Variants in NEDD9 observed in about 807,000 individuals in gnomAD.
NEDD9 encodes the protein enhancer of filamentation 1.
NEDD9 carries 26 observed loss-of-function variants against 76.6 expected under a neutral mutation model. That is an observed-to-expected ratio of 0.34 (90% CI 0.25 to 0.47). NEDD9 has a LOEUF of 0.47. NEDD9 is among the 20% of genes least tolerant of loss of function. NEDD9 has a pLI of 1.00. For synonymous variants in NEDD9, 392 were observed against 414.2 expected, an observed-to-expected ratio of 0.95 and a Z score of 0.65; for missense variants, 937 against 1,058.5, an observed-to-expected ratio of 0.89 and a Z score of 1.59.
chr6:11,239,137 A>G (rs1759661878), intron 3 of NEDD9, among the ~76,000 whole-genome samples: 1 of 152,186 alleles, frequency 6.6e-6, no homozygotes. Context: ...ACTGCACTGC[A>G]GCCTGGGAGA....
chr6:11,333,698 T>C (rs971850321), intron 2 of NEDD9, among the ~76,000 whole-genome samples: 1 of 152,194 alleles, frequency 6.6e-6, no homozygotes, highest in Non-Finnish European at 1.5e-5. Flanking sequence ...CTGGGGGTTT[T>C]GGCAGCCTGC....
At chr6:11,256,555 G>A (rs1036493455) in intron 3 of NEDD9, among the ~76,000 whole-genome samples, 4 of 152,044 alleles carry the variant, frequency 2.6e-5, no homozygotes, top group Admixed American at 1.3e-4. Context: ...TGGACCTTCC[G>A]GCTCAAGTGA....
chr6:11,192,625 A>C, intron 3 of NEDD9, 179 bp from the exon 4 acceptor site: 1 of 525,690 alleles, frequency 1.9e-6, no homozygotes, highest in Non-Finnish European at 3.3e-6. Context: ...TATGGTTTTT[A>C]ACTTACATTT....
At chr6:11,345,485 C>T (rs1433569326) in intron 1 of NEDD9, among the ~76,000 whole-genome samples, 2 of 150,154 alleles carry the variant, frequency 1.3e-5, no homozygotes, top group Non-Finnish European at 2.9e-5. Flanking sequence ...TGTGTGTGTG[C>T]TACATTTGAA....
At chr6:11,348,567 CA>C (rs994564964) in intron 1 of NEDD9, among the ~76,000 whole-genome samples, 1 of 152,106 alleles carries the variant, frequency 6.6e-6, no homozygotes, top group Admixed American at 6.5e-5. Flanking sequence ...CAGCATGGTA[CA>C]AAAACAGACA....
At position 11,252,211 on chromosome 6, in the gene NEDD9, G is replaced by A. The variant is rs1759928004; in HGVS notation, c.13-38484C>T. Among the ~76,000 whole-genome samples, 1 of 152,148 alleles carries A rather than the reference G, an allele frequency of 6.6e-6. No homozygotes were observed. Among genetic ancestry groups the A allele is most frequent in the Non-Finnish European group, 1.5e-5 (1 of 68,026 alleles). On this transcript the variant is annotated intron_variant, in intron 3 of 3. Coordinates refer to the NEDD9 transcript ENST00000397378. This position sits in a 1 kb window ranked among gnomAD's most constrained non-coding sequence, Gnocchi z 4.3. ...AGCTATGCCAGCAGAGCCCTCTGGA[G>A]AGCTGACTGGTATTCTCATTTTCTA... is the stretch of plus-strand genomic sequence containing the variant.
intron 2 of NEDD9, among the ~76,000 whole-genome samples, chr6:11,197,193 A>G (rs1474746231): frequency 6.6e-6 from 1 of 151,816 alleles, no homozygotes; most frequent in Non-Finnish European, 1.5e-5. Flanking sequence ...GGACATTTTT[A>G]AACTAATTTT....
At chr6:11,362,107 T>G (rs890438324) in intron 1 of NEDD9, among the ~76,000 whole-genome samples, 2 of 152,052 alleles carry the variant, frequency 1.3e-5, no homozygotes, top group East Asian at 1.9e-4. Context: ...CTTTGAGAGG[T>G]GATTACATCA....
At position 11,241,723 on chromosome 6, in the gene NEDD9, C is replaced by G. The variant is rs908396870; in HGVS notation, c.13-27996G>C. 1.3e-5 allele frequency among the ~76,000 whole-genome samples: 2 copies of G among 152,118 alleles called. No individual in the cohort carries two copies. The highest frequency in any genetic ancestry group is 2.9e-5 in the Non-Finnish European group (2 of 68,012). On this transcript the variant is annotated intron_variant, in intron 3 of 3. Transcript: ENST00000397378. This position sits in a 1 kb window ranked among gnomAD's most constrained non-coding sequence, Gnocchi z 4.0. ...GGGGTTGGAGATGCATTTTCTCCCC[C>G]TTGTGCCTTAAAAGAGCCCAGCTGA...
chr6:11,325,808 T>G (rs1303080934), intron 2 of NEDD9, among the ~76,000 whole-genome samples: 1 of 151,988 alleles, frequency 6.6e-6, no homozygotes, highest in Non-Finnish European at 1.5e-5. Flanking sequence ...TAAAAAGGAG[T>G]CATTTTTAAT....
rs1757915994 is a variant in NEDD9 at position 11,184,058 on chromosome 6, T to C, written c.*1104A>G. 6.6e-6 allele frequency: 1 copy of C among 152,236 alleles called. No homozygotes were observed. The allele number at this position is 152,236 out of a possible 1,614,324, so 9.4% of individuals were successfully genotyped here. On this transcript the variant is annotated 3_prime_UTR_variant, in exon 7 of 7. Coordinates refer to ENST00000379446, the MANE Select transcript of NEDD9 (RefSeq NM_006403.4). ...AAAAATTAGATGGACTCTGTGTAGC[T>C]AGCCACTCTTGAGTGTCAGGTCTGC...
rs1233944509 is a variant in NEDD9 at position 11,191,129 on chromosome 6, A to G, written c.740T>C (p.Met247Thr). 1.9e-6 allele frequency: 3 copies of G among 1,613,236 alleles called. No homozygotes were observed. The highest frequency in any genetic ancestry group is 8.5e-7 in the Non-Finnish European group (1 of 1,179,694). ...REKDYDFPPP[M>T]RQAGRPDLRP... ...GAGGTCCGGCCTTCCAGCTTGTCTC[A>G]TGGGAGGGGGGAAGTCATAGTCTTT... Residue 247 changes from methionine to threonine, a missense_variant, in exon 5 of 7, where the codon ATG (methionine) becomes ACG (threonine). Met to Thr is a moderately conservative substitution (Grantham distance 81). Transcript: ENST00000379446.
At chr6:11,238,308 C>A (rs914108601) in intron 3 of NEDD9, among the ~76,000 whole-genome samples, 1 of 152,230 alleles carries the variant, frequency 6.6e-6, no homozygotes, top group African/African-American at 2.4e-5. Context: ...TTTATGAACC[C>A]AGGCTTTCTG....
At chr6:11,295,099 A>T (rs1326975996) in intron 3 of NEDD9, among the ~76,000 whole-genome samples, 1 of 151,652 alleles carries the variant, frequency 6.6e-6, no homozygotes, top group East Asian at 1.9e-4. Context: ...AGTCCATTAA[A>T]CCTCTTTTTC....
intron 1 of NEDD9, among the ~76,000 whole-genome samples, chr6:11,349,093 T>G (rs1762416689): frequency 6.6e-6 from 1 of 151,986 alleles, no homozygotes; most frequent in African/African-American, 2.4e-5. Flanking sequence ...AACAACGCCA[T>G]TAAAAATTTG....
intron 1 of NEDD9, among the ~76,000 whole-genome samples, chr6:11,364,758 A>G (rs1268311296): frequency 1.3e-5 from 2 of 152,166 alleles, no homozygotes; most frequent in African/African-American, 4.8e-5. Flanking sequence ...CTAGAAATCT[A>G]TCATGCATTT....
Position 11,183,707 on chromosome 6 carries a change from A to G in NEDD9, c.*1455T>C, listed in dbSNP as rs1757909110. On this transcript the variant is annotated 3_prime_UTR_variant, in exon 7 of 7. Transcript: ENST00000379446. Reference sequence around the variant, plus strand: ...GTTTTTTAAATCCTTTTCTGTTCCAATGATTTGGTTGTTTAAAACAAGCAA... The same window carrying G: ...GTTTTTTAAATCCTTTTCTGTTCCAGTGATTTGGTTGTTTAAAACAAGCAA... 1 of 152,042 alleles carries G rather than the reference A, an allele frequency of 6.6e-6. No homozygotes were observed. Among genetic ancestry groups the G allele is most frequent in the African/African-American group, 2.4e-5 (1 of 41,376 alleles). 9.4% of individuals were successfully genotyped at this position (152,042 alleles called of 1,614,324 possible). A position where few individuals can be genotyped will look rare whatever the true frequency, so the allele number is the denominator to read the frequency against.
Position 11,352,400 on chromosome 6 carries a change from G to A in NEDD9, c.-213-17839C>T, listed in dbSNP as rs140159644. The A allele has an allele frequency of 2.6e-3, 395 of 152,202 alleles. 2 individuals carry two copies. Among genetic ancestry groups the A allele is most frequent in the African/African-American group, 8.9e-3 (370 of 41,500 alleles). The allele number at this position is 152,202 out of a possible 1,614,324, so 9.4% of individuals were successfully genotyped here. On this transcript the variant is annotated intron_variant, in intron 1 of 3. Transcript: ENST00000397378. ...ATTCACCCACAGCCGCTCGGTGGCC[G>A]GCCTTTTTCTCTTCTGTTTTGCCCA... is the stretch of plus-strand genomic sequence containing the variant.
intron 2 of NEDD9, among the ~76,000 whole-genome samples, chr6:11,308,361 C>CTTTTTTTTTTTTT (rs933892327): frequency 1.1e-5 from 1 of 87,852 alleles, no homozygotes; most frequent in African/African-American, 4.7e-5. Flanking sequence ...GATGGGACAT[C>CTTTTTTTTTTTTT]TTTTTTTTTT....
Sources: allele counts gnomAD v4.1 joint callset (sites outside exome capture counted in the v4.1 genomes callset), GRCh38; gene constraint gnomAD v4.1.1; non-coding constraint Gnocchi (gnomAD v3.1); transcripts MANE v1.5; gene names NCBI Gene and HGNC (gene_info 2026-07-23, HGNC 2026-07-21).